PACS1: variants seen among roughly 807,000 people sequenced by gnomAD.
PACS1 encodes the protein phosphofurin acidic cluster sorting protein 1.
In PACS1, 24 loss-of-function variants were observed where a neutral mutation model predicts 115.0. The ratio of observed to expected loss-of-function variants is 0.21; its 90% confidence interval spans 0.15 to 0.29. The LOEUF is 0.29. Ranked by LOEUF, PACS1 falls within the 10% of genes least tolerant of loss-of-function variation. The pLI is 1.00. For missense variants in PACS1, 838 were observed against 1,251.2 expected (o/e 0.67, Z 4.98); for synonymous variants, 453 against 504.5 (o/e 0.90, Z 1.37).
intron 1 of PACS1, among the ~76,000 whole-genome samples, chr11:66,099,375 C>T (rs1049381408): frequency 6.6e-6 from 1 of 152,000 alleles, no homozygotes; most frequent in Non-Finnish European, 1.5e-5. Context: ...AGGCGCCCAC[C>T]ACCACACTCG....
At position 66,241,449 on chromosome 11, in the gene PACS1, G is replaced by A; in HGVS notation, c.2452G>A (p.Asp818Asn). 4 of 1,603,768 alleles carry A rather than the reference G, an allele frequency of 2.5e-6. No individual in the cohort carries two copies. The highest frequency in any genetic ancestry group is 3.4e-6 in the Non-Finnish European group (4 of 1,175,018). ...CAGGAGCCCTAATAGCCCATATGGG[G>A]ACGTGATTGGCCTCCAGGTGGACTA... The part of the protein sequence containing the change: ...IVGSPNSPYG[D>N]VIGLQVDYWL... The change falls in exon 22 of 24, where the codon GAC becomes AAC. Residue 818 changes from aspartate to asparagine, a missense_variant. Around this residue, in one of 6 missense-constraint regions of PACS1, gnomAD observed 383 missense variants for 537.0 expected, o/e 0.71. Transcript: ENST00000320580.
At chr11:66,179,780 C>G (rs1255928716) in intron 1 of PACS1, among the ~76,000 whole-genome samples, 1 of 152,134 alleles carries the variant, frequency 6.6e-6, no homozygotes, top group East Asian at 1.9e-4. Flanking sequence ...TTTAAGTGCC[C>G]TTTAACAGTT....
intron 9 of PACS1, 75 bp from the exon 10 acceptor site, chr11:66,221,079 C>A: frequency 3.6e-6 from 5 of 1,381,482 alleles, no homozygotes; most frequent in Middle Eastern, 1.8e-4. Flanking sequence ...CCCTGAATGC[C>A]AGCTCCATTC....
intron 1 of PACS1, among the ~76,000 whole-genome samples, chr11:66,148,961 T>C (rs1859180257): frequency 6.6e-6 from 1 of 152,098 alleles, no homozygotes; most frequent in South Asian, 2.1e-4. Context: ...GAAGTCACTA[T>C]ATATGTTTTA....
intron 1 of PACS1, among the ~76,000 whole-genome samples, chr11:66,173,526 G>A (rs936780846): frequency 6.6e-6 from 1 of 151,968 alleles, no homozygotes; most frequent in Non-Finnish European, 1.5e-5. Flanking sequence ...TGGCCATCAT[G>A]GTGAAACCCT....
At chr11:66,196,189 A>C (rs939103014) in intron 2 of PACS1, among the ~76,000 whole-genome samples, 1 of 152,152 alleles carries the variant, frequency 6.6e-6, no homozygotes. Context: ...GTGCCAGTGC[A>C]CTCCAGCCTG....
intron 4 of PACS1, among the ~76,000 whole-genome samples, 169 bp from the exon 5 acceptor site, chr11:66,215,950 T>TAATAATAATAAA (rs1422568297): frequency 6.7e-5 from 9 of 134,428 alleles, no homozygotes; most frequent in African/African-American, 2.6e-4. Flanking sequence ...ATAATAATAA[T>TAATAATAATAAA]AAACAAAGTA....
chr11:66,156,319 C>A (rs988253316), intron 1 of PACS1, among the ~76,000 whole-genome samples: 2 of 141,540 alleles, frequency 1.4e-5, no homozygotes, highest in Non-Finnish European at 3.1e-5. Context: ...GGTGTGTGAT[C>A]TCGGCTCACT....
intron 2 of PACS1, among the ~76,000 whole-genome samples, chr11:66,198,400 A>G (rs968379654): frequency 6.6e-6 from 1 of 152,246 alleles, no homozygotes; most frequent in Non-Finnish European, 1.5e-5. Context: ...TGGTCTAGTC[A>G]TACAGCTTCG....
At chr11:66,228,084 C>T (rs947582431) in intron 11 of PACS1, among the ~76,000 whole-genome samples, 2 of 151,938 alleles carry the variant, frequency 1.3e-5, no homozygotes, top group African/African-American at 4.8e-5. Context: ...CAAACATTTA[C>T]TGTGCCCCTG....
intron 1 of PACS1, among the ~76,000 whole-genome samples, chr11:66,165,012 A>G (rs1859571796): frequency 6.6e-6 from 1 of 152,164 alleles, no homozygotes; most frequent in South Asian, 2.1e-4. Flanking sequence ...TCTGCTGTAC[A>G]GCATGCCCTT....
In PACS1 at chr11:66,194,979, C is replaced by T. The variant is rs970432057; in HGVS notation, c.444+1406C>T. On this transcript the variant is annotated intron_variant, in intron 2 of 23. Coordinates refer to ENST00000320580, the MANE Select transcript of PACS1 (RefSeq NM_018026.4). The stretch of plus-strand genomic sequence containing the variant: ...GTGGCTCACACCTGTAATCCCAGCA[C>T]TTTGGGAGGCTGAGGTGGTGGATCA... Among the ~76,000 whole-genome samples, 7 of 152,204 alleles carry T rather than the reference C, an allele frequency of 4.6e-5. No individual in the cohort carries two copies. In the East Asian group the frequency reaches 1.3e-3, roughly 29 times the overall value.
intron 1 of PACS1, among the ~76,000 whole-genome samples, chr11:66,160,779 C>T (rs2134624752): frequency 6.6e-6 from 1 of 151,580 alleles, no homozygotes; most frequent in East Asian, 1.9e-4. Flanking sequence ...GCCTCGGCCT[C>T]CCAAAGTGCT....
At chr11:66,237,026 C>G (rs890784828) in intron 19 of PACS1, among the ~76,000 whole-genome samples, 1 of 152,240 alleles carries the variant, frequency 6.6e-6, no homozygotes, top group African/African-American at 2.4e-5. Flanking sequence ...TCAAGTGATT[C>G]TCCTGCCTCA....
chr11:66,139,950 T>C (rs1472177403), intron 1 of PACS1, among the ~76,000 whole-genome samples: 1 of 152,188 alleles, frequency 6.6e-6, no homozygotes, highest in African/African-American at 2.4e-5. Context: ...GGTTGTAAAG[T>C]TGCAAATATT....
intron 19 of PACS1, among the ~76,000 whole-genome samples, chr11:66,237,592 C>G (rs1855730243): frequency 6.6e-6 from 1 of 152,200 alleles, no homozygotes; most frequent in Non-Finnish European, 1.5e-5. Flanking sequence ...CCGGTTAGCC[C>G]CTGGGCTGCT....
At chr11:66,190,645 C>T (rs915614250) in intron 1 of PACS1, among the ~76,000 whole-genome samples, 1 of 152,180 alleles carries the variant, frequency 6.6e-6, no homozygotes, top group Admixed American at 6.5e-5. Flanking sequence ...ACCTCAGCCT[C>T]CTGAGTAGCT....
intron 1 of PACS1, among the ~76,000 whole-genome samples, chr11:66,120,701 GATA>G (rs1261446367): frequency 6.6e-6 from 1 of 152,172 alleles, no homozygotes; most frequent in African/African-American, 2.4e-5. Flanking sequence ...TCCTGGGAAT[GATA>G]ATAATACTTG....
At chr11:66,124,088 G>A (rs1428767512) in intron 1 of PACS1, among the ~76,000 whole-genome samples, 1 of 152,212 alleles carries the variant, frequency 6.6e-6, no homozygotes, top group Non-Finnish European at 1.5e-5. Context: ...AAAAAAGACG[G>A]AACTGTTTCA....
Sources: allele counts gnomAD v4.1 joint callset (sites outside exome capture counted in the v4.1 genomes callset), GRCh38; gene constraint gnomAD v4.1.1; regional missense constraint gnomAD v4.1.1; transcripts MANE v1.5; gene names NCBI Gene and HGNC (gene_info 2026-07-23, HGNC 2026-07-21).